The following LSS variants were observed in gnomAD, a reference collection of about 807,000 sequenced individuals.
The protein encoded by LSS is 2,3-epoxysqualene-lanosterol cyclase.
LSS carries 90 observed loss-of-function variants against 110.3 expected under a neutral mutation model. The ratio of observed to expected loss-of-function variants is 0.82; its 90% CI spans 0.69 to 0.97. LSS has a LOEUF of 0.97. Among genes scored for constraint, LSS ranks in the 50% least tolerant of loss-of-function variants. The pLI, the probability that LSS is intolerant of heterozygous loss-of-function variation, is 0.00. For synonymous variants in LSS, 433 were observed against 400.0 expected (o/e 1.08, Z -0.98); for missense variants, 927 against 990.0 (o/e 0.94, Z 0.85).
chr21:46,192,332 A>C, intron 20 of LSS: 1 of 405,208 alleles, frequency 2.5e-6, no homozygotes, highest in South Asian at 2.0e-5. Context: ...GACACCAAGA[A>C]GGATCCAGGG....
rs140139047 is a variant in LSS at position 46,208,168 on chromosome 21, C to G, written c.1317+83G>C. On this transcript the variant is annotated intron_variant, in intron 14 of 21. Transcript: ENST00000397728. ...GGGAGGAGTCCCCCAGGGAGGAGCC[C>G]CCCCTTCAGAGGGAAGGACCCACCC... 4.1e-4 allele frequency: 551 copies of G among 1,331,206 alleles called. 2 individuals carry two copies. In the African/African-American group the frequency reaches 7.0e-3, roughly 17 times the overall value. The allele number at this position is 1,331,206 out of a possible 1,614,324, so 82.5% of individuals were successfully genotyped here. A position where few individuals can be genotyped will look rare whatever the true frequency, so the allele number is the denominator to read the frequency against.
At chr21:46,198,847 A>G (rs1394945438) in intron 17 of LSS, among the ~76,000 whole-genome samples, 1 of 151,856 alleles carries the variant, frequency 6.6e-6, no homozygotes, top group Non-Finnish European at 1.5e-5. Flanking sequence ...AAAAAAAAAA[A>G]AAAAATCTAG....
At chr21:46,228,264 T>C (rs1311948981) in intron 2 of LSS, among the ~76,000 whole-genome samples, 170 bp downstream of exon 2, 4 of 152,220 alleles carry the variant, frequency 2.6e-5, no homozygotes, top group Admixed American at 1.3e-4. Context: ...GGTTTAGAGA[T>C]GAAGGGGCTG....
At chr21:46,198,177 G>T (rs949576791) in intron 17 of LSS, among the ~76,000 whole-genome samples, 1 of 151,772 alleles carries the variant, frequency 6.6e-6, no homozygotes, top group Non-Finnish European at 1.5e-5. Context: ...TGAGACAGGA[G>T]GATTCCTTAA....
intron 17 of LSS, among the ~76,000 whole-genome samples, chr21:46,197,753 A>G (rs1009664658): frequency 6.6e-6 from 1 of 151,980 alleles, no homozygotes; most frequent in African/African-American, 2.4e-5. Flanking sequence ...GCTGGGCATG[A>G]TGACAGGCGC....
At chr21:46,208,641 G>A (rs940455106) in intron 13 of LSS, among the ~76,000 whole-genome samples, 8 of 152,188 alleles carry the variant, frequency 5.3e-5, no homozygotes, top group Admixed American at 3.3e-4. Context: ...TGTGCCAGGC[G>A]CCCCCAATGC....
Position 46,191,245 on chromosome 21 carries a change from C to A in LSS, c.2068-10G>T. On this transcript the variant is annotated splice_polypyrimidine_tract_variant and intron_variant, in intron 21 of 21. Coordinates refer to ENST00000397728, the MANE Select transcript of LSS (RefSeq NM_002340.6). ...CCCCAGCAATGTTTTCCTAAAAGAA[C>A]ACAGAGAAATAAACACAAAGGCTTC... 6.2e-7 allele frequency: 1 copy of A among 1,613,930 alleles called. No individual in the cohort carries two copies. Among genetic ancestry groups the A allele is most frequent in the Non-Finnish European group, 8.5e-7 (1 of 1,179,942 alleles).
rs1206211698 is a variant in LSS at position 46,221,849 on chromosome 21, C to T, written c.550+5G>A. The T allele has an allele frequency of 1.2e-5, 19 of 1,613,890 alleles. No individual in the cohort carries two copies. The highest frequency in any genetic ancestry group is 1.0e-4 in the Admixed American group (6 of 59,994). ...CTGGCCCAGCACATGCTGCACATGC[C>T]GTACCTTTCTTGTGAAGAATGTTCC... On this transcript the variant is annotated splice_donor_5th_base_variant and intron_variant, in intron 5 of 21. Coordinates refer to ENST00000397728, the MANE Select transcript of LSS (RefSeq NM_002340.6).
chr21:46,209,793 G>A lies in LSS; in HGVS notation c.1195-168C>T, dbSNP rs1458403473. 1.3e-5 allele frequency among the ~76,000 whole-genome samples: 2 copies of A among 152,250 alleles called. No homozygotes were observed. The highest frequency in any genetic ancestry group is 2.4e-5 in the African/African-American group (1 of 41,548). On this transcript the variant is annotated intron_variant, in intron 12 of 21. Coordinates refer to ENST00000397728, the MANE Select transcript of LSS (RefSeq NM_002340.6). This position sits in a 1 kb window ranked among gnomAD's most constrained non-coding sequence, Gnocchi z 4.4. ...GTCTCCTGCTGCACTTACCTTTAAAGACAAAACAGCAAAAGTCCATGAGAT... is the reference window on the plus strand; with the variant it reads ...GTCTCCTGCTGCACTTACCTTTAAAAACAAAACAGCAAAAGTCCATGAGAT...
rs2080203736 is a variant in LSS, at chr21:46,216,120, A to G, written c.783+269T>C. On this transcript the variant is annotated intron_variant, in intron 7 of 21. Transcript: ENST00000397728. This position sits in a 1 kb window ranked among gnomAD's most constrained non-coding sequence, Gnocchi z 4.2. ...CCTGCTTCCAGAGGACACAGTGCACATCTGCCTCCTGCATCCCTTGAGTCC... is the reference window on the plus strand; with the variant it reads ...CCTGCTTCCAGAGGACACAGTGCACGTCTGCCTCCTGCATCCCTTGAGTCC... Among the ~76,000 whole-genome samples, 1 of 152,118 alleles carries G rather than the reference A, an allele frequency of 6.6e-6. No homozygotes were observed. The highest frequency in any genetic ancestry group is 1.5e-5 in the Non-Finnish European group (1 of 67,996).
Position 46,213,850 on chromosome 21 carries a change from G to A in LSS, c.1012-15C>T. 1.3e-6 allele frequency: 2 copies of A among 1,595,116 alleles called. No homozygotes were observed. The highest frequency in any genetic ancestry group is 2.2e-5 in the East Asian group (1 of 44,608). On this transcript the variant is annotated splice_polypyrimidine_tract_variant and intron_variant, in intron 9 of 21. Coordinates refer to ENST00000397728, the MANE Select transcript of LSS (RefSeq NM_002340.6). Reference sequence around the variant, plus strand: ...GTTTTCGAGATCTGCAGGAGAGACAGCCCTGTCAAGGCTCCGCTCCAGACC... The same window carrying A: ...GTTTTCGAGATCTGCAGGAGAGACAACCCTGTCAAGGCTCCGCTCCAGACC...
At chr21:46,192,211 C>T (rs1001913472) in intron 20 of LSS, 9 of 579,380 alleles carry the variant, frequency 1.6e-5, no homozygotes, top group Middle Eastern at 4.1e-4. Flanking sequence ...CAGGCCTGCC[C>T]TGGTGTTCCC....
rs2080204234 is a variant in LSS, at chr21:46,216,175, C to T, written c.783+214G>A. Among the ~76,000 whole-genome samples the T allele has an allele frequency of 6.6e-6, 1 of 152,218 alleles. No individual in the cohort carries two copies. The highest frequency in any genetic ancestry group is 2.1e-4 in the South Asian group (1 of 4,830). On this transcript the variant is annotated intron_variant, in intron 7 of 21. Coordinates refer to ENST00000397728, the MANE Select transcript of LSS (RefSeq NM_002340.6). This position sits in a 1 kb window ranked among gnomAD's most constrained non-coding sequence, Gnocchi z 4.2. ...AGTCCCCCCCAGGAACCCTGGGCTA[C>T]AGCTACTGACTGTCCCATAGCACAA...
rs1428507749 is a variant in LSS, at chr21:46,196,239, A to G, written c.1699T>C (p.Cys567Arg). 6.2e-7 allele frequency: 1 copy of G among 1,614,080 alleles called. No homozygotes were observed. The highest frequency in any genetic ancestry group is 1.7e-5 in the Admixed American group (1 of 60,006). The change falls in exon 18 of 22, where the codon TGT (cysteine) becomes CGT (arginine). Residue 567 changes from cysteine (C) to arginine (R), a missense_variant. Cys to Arg is a radical substitution (Grantham distance 180). Coordinates refer to ENST00000397728, the MANE Select transcript of LSS (RefSeq NM_002340.6). ...RETLTQGLEF[C>R]RRQQRADGSW... ...CCATCGGCCCTCTGCTGCCGCCGAC[A>G]GAACTCTAAGCCCTGCGTGAGGGTC...
chr21:46,227,162 C>T (rs1336837802), intron 3 of LSS, among the ~76,000 whole-genome samples: 5 of 152,210 alleles, frequency 3.3e-5, no homozygotes, highest in Admixed American at 1.3e-4. Context: ...GCAATAGCCC[C>T]GAGGAAGTTC....
At chr21:46,202,998 A>G (rs908918883) in intron 17 of LSS, among the ~76,000 whole-genome samples, 2 of 152,240 alleles carry the variant, frequency 1.3e-5, no homozygotes, top group African/African-American at 4.8e-5. Flanking sequence ...TGTTCTACAC[A>G]GTGACAACAA....
chr21:46,218,618 C>T (rs894270993), intron 6 of LSS, among the ~76,000 whole-genome samples: 21 of 151,692 alleles, frequency 1.4e-4, no homozygotes, highest in African/African-American at 1.5e-4. Flanking sequence ...AGCTAGACTC[C>T]GTCTCAAAAC....
At chr21:46,201,788 G>A (rs575142426) in intron 17 of LSS, among the ~76,000 whole-genome samples, 2 of 140,010 alleles carry the variant, frequency 1.4e-5, no homozygotes, top group African/African-American at 5.2e-5. Context: ...AACTCTCCAG[G>A]TAAGTTTAAA....
At chr21:46,215,379 ACTT>A in intron 8 of LSS, 81 bp from the exon 9 acceptor site, 3 of 983,336 alleles carry the variant, frequency 3.1e-6, no homozygotes, top group Non-Finnish European at 4.5e-6. Context: ...CAACGCCTGG[ACTT>A]GCCCTTCCCA....
Sources: allele counts gnomAD v4.1 joint callset (sites outside exome capture counted in the v4.1 genomes callset), GRCh38; gene constraint gnomAD v4.1.1; non-coding constraint Gnocchi (gnomAD v3.1); transcripts MANE v1.5; gene names NCBI Gene and HGNC (gene_info 2026-07-23, HGNC 2026-07-21).